ZFAND4: variants seen among roughly 807,000 people sequenced by gnomAD.
ZFAND4 encodes the protein zinc finger AN1-type containing 4.
In ZFAND4, 43 loss-of-function variants were observed where a neutral mutation model predicts 64.4. That is an observed-to-expected ratio of 0.67 (90% CI 0.52 to 0.86). The LOEUF (loss-of-function observed/expected upper bound fraction) is 0.86. Ranked by LOEUF, ZFAND4 falls within the 40% of genes least tolerant of loss-of-function variation. The pLI, the probability that ZFAND4 is intolerant of heterozygous loss-of-function variation, is 0.00. For synonymous variants in ZFAND4, 296 were observed against 305.7 expected (o/e 0.97, Z 0.33); for missense variants, 929 against 859.8 (o/e 1.08, Z -1.01).
chr10:45,650,118 G>A (rs1005536879), intron 4 of ZFAND4: 10 of 151,930 alleles, frequency 6.6e-5, no homozygotes, highest in South Asian at 4.2e-4. Flanking sequence ...ATTTGTATTC[G>A]TTTTTTGAGA....
intron 6 of ZFAND4, among the ~76,000 whole-genome samples, chr10:45,637,476 G>T (rs1308922546): frequency 6.6e-6 from 1 of 152,066 alleles, no homozygotes; most frequent in Non-Finnish European, 1.5e-5. Flanking sequence ...AGTAAGCTGG[G>T]TGCAGTGACT....
chr10:45,651,783 T>C (rs1270889586), intron 4 of ZFAND4, among the ~76,000 whole-genome samples, 183 bp downstream of exon 4: 2 of 152,228 alleles, frequency 1.3e-5, no homozygotes, highest in African/African-American at 4.8e-5. Flanking sequence ...TTTTCTGAAT[T>C]GTATTTTAGA....
intron 3 of ZFAND4, among the ~76,000 whole-genome samples, chr10:45,652,598 G>A (rs556347917): frequency 6.6e-6 from 1 of 152,176 alleles, no homozygotes; most frequent in East Asian, 1.9e-4. Context: ...TAATGAGAAA[G>A]GAAAGACTTT....
rs750541658 is a variant in ZFAND4, at chr10:45,653,015, G to A, written c.229C>T (p.Leu77Phe). 34 of 1,612,132 alleles carry A rather than the reference G, an allele frequency of 2.1e-5. No homozygotes were observed. In the East Asian group the frequency reaches 7.4e-4, roughly 35 times the overall value. ...TCATTCAAGCAATAATCATTTTCAA[G>A]TTCCATGTTATTCCAAATTAAGTGT... Reference protein sequence around the residue: ...RQHLIWNNMELENDYCLNDYN... With the variant: ...RQHLIWNNMEFENDYCLNDYN... The change falls in exon 3 of 10, where the codon CTT (leucine) becomes TTT (phenylalanine). Residue 77 changes from leucine (L) to phenylalanine (F), a missense_variant. Physicochemically the swap from Leu to Phe is conservative, Grantham distance 22. Transcript: ENST00000344646.
intron 2 of ZFAND4, among the ~76,000 whole-genome samples, chr10:45,654,329 A>G (rs2047957314): frequency 6.6e-6 from 1 of 152,154 alleles, no homozygotes; most frequent in Non-Finnish European, 1.5e-5. Context: ...AAAAACAAAA[A>G]AAGATATTGG....
chr10:45,646,950 C>A (rs2047424920), intron 5 of ZFAND4, among the ~76,000 whole-genome samples: 1 of 152,232 alleles, frequency 6.6e-6, no homozygotes, highest in Admixed American at 6.5e-5. Context: ...TCACAGTCTG[C>A]TCTCTGAGGC....
chr10:45,659,278 C>G (rs1329607982), intron 2 of ZFAND4, among the ~76,000 whole-genome samples: 2 of 152,138 alleles, frequency 1.3e-5, no homozygotes, highest in Non-Finnish European at 2.9e-5. Flanking sequence ...AGAATGTTCC[C>G]CCTCTTCCCA....
In ZFAND4 at chr10:45,652,044, T is replaced by A. The variant is rs776989833; in HGVS notation, c.261-11A>T. ...CACCCTTCTGAAATGCTGTGGATAG[T>A]TAACACAAAAATAAATCATAATCAT... On this transcript the variant is annotated splice_polypyrimidine_tract_variant and intron_variant, in intron 3 of 9. Coordinates refer to ENST00000344646, the MANE Select transcript of ZFAND4 (RefSeq NM_174890.4). 4 of 1,613,212 alleles carry A rather than the reference T, an allele frequency of 2.5e-6. No individual in the cohort carries two copies. In the African/African-American group the frequency reaches 5.3e-5, roughly 22 times the overall value.
chr10:45,634,236 A>G (rs774721595), intron 6 of ZFAND4, among the ~76,000 whole-genome samples: 6 of 152,168 alleles, frequency 3.9e-5, no homozygotes, highest in Non-Finnish European at 8.8e-5. Flanking sequence ...ATAATTAAAC[A>G]TTTCTCAGCC....
chr10:45,626,408 A>G lies in ZFAND4; in HGVS notation c.1415T>C (p.Leu472Ser). 2 of 1,614,062 alleles carry G rather than the reference A, an allele frequency of 1.2e-6. No individual in the cohort carries two copies. Among genetic ancestry groups the G allele is most frequent in the South Asian group, 1.1e-5 (1 of 91,086 alleles). The change falls in exon 7 of 10, where the codon TTG becomes TCG. Residue 472 changes from leucine (L) to serine (S), a missense_variant. By Grantham distance (145) the Leu-to-Ser change is moderately radical. Coordinates refer to ENST00000344646, the MANE Select transcript of ZFAND4 (RefSeq NM_174890.4). Reference sequence around the variant, plus strand: ...TGGTGCAGAACAGCGAAGAGGTGACAAGAGTCTATTCTTGTGAGGACTTAA... The same window carrying G: ...TGGTGCAGAACAGCGAAGAGGTGACGAGAGTCTATTCTTGTGAGGACTTAA... ...RELSPHKNRL[L>S]SPLRCSAPMS... is the part of the protein sequence containing the mutation.
intron 7 of ZFAND4, among the ~76,000 whole-genome samples, chr10:45,625,390 C>T (rs1416022948): frequency 2.7e-5 from 4 of 146,674 alleles, no homozygotes; most frequent in Admixed American, 7.1e-5. Context: ...AGGAGAATGG[C>T]GTGAACCCGG....
At position 45,626,094 on chromosome 10, in the gene ZFAND4, T is replaced by A. The variant is rs139565989; in HGVS notation, c.1729A>T (p.Thr577Ser). ...ISFLASLAGS[T>S]SRNRLQSTRG... ...GTGCTCTGTAATCTATTTCTGCTTG[T>A]GCTCCCGGCCAGTGAGGCAAGAAAA... Residue 577 changes from threonine (T) to serine (S), a missense_variant, in exon 7 of 10, where the codon ACA (threonine) becomes TCA (serine). Thr to Ser is a moderately conservative substitution (Grantham distance 58). Coordinates refer to ENST00000344646, the MANE Select transcript of ZFAND4 (RefSeq NM_174890.4). The A allele has an allele frequency of 3.2e-4, 516 of 1,614,102 alleles. No individual in the cohort carries two copies. The highest frequency in any genetic ancestry group is 6.0e-4 in the Admixed American group (36 of 60,010).
At chr10:45,633,473 A>G (rs1319589121) in intron 6 of ZFAND4, among the ~76,000 whole-genome samples, 4 of 152,038 alleles carry the variant, frequency 2.6e-5, no homozygotes, top group African/African-American at 9.7e-5. Flanking sequence ...GGGAGGCTGA[A>G]ATGAGAAGAT....
In ZFAND4 at chr10:45,672,557, C is replaced by T. The variant is rs1268909762; in HGVS notation, c.-425G>A. Reference sequence around the variant, plus strand: ...TACCCGGCAGCCCAGCGCCGAGCGCCCGCGCCACTCCGGCCTTGCGCCATT... The same window carrying T: ...TACCCGGCAGCCCAGCGCCGAGCGCTCGCGCCACTCCGGCCTTGCGCCATT... On this transcript the variant is annotated 5_prime_UTR_variant, in exon 1 of 10. Transcript: ENST00000344646. 6.6e-6 allele frequency: 1 copy of T among 151,986 alleles called. No individual in the cohort carries two copies. The highest frequency in any genetic ancestry group is 1.5e-5 in the Non-Finnish European group (1 of 68,000). The allele number at this position is 151,986 out of a possible 1,614,324, so 9.4% of individuals were successfully genotyped here.
At position 45,625,961 on chromosome 10, in the gene ZFAND4, C is replaced by A; in HGVS notation, c.1862G>T (p.Gly621Val). 4.3e-6 allele frequency: 7 copies of A among 1,613,516 alleles called. No individual in the cohort carries two copies. Among genetic ancestry groups the A allele is most frequent in the Non-Finnish European group, 5.9e-6 (7 of 1,179,890 alleles). ...AAGGAAAATACTGACCAAAAAAACT[C>A]CTGTATGTTCTAACTGGGGAGAACT... ...RKSSPQLEHT[G>V]VFLSTHGVGM... Residue 621 changes from glycine (G) to valine (V), a missense_variant, in exon 7 of 10, where the codon GGA becomes GTA. Physicochemically the swap from Gly to Val is moderately radical, Grantham distance 109 (BLOSUM62 -3). Transcript: ENST00000344646.
chr10:45,652,064 A>C (rs927431157), intron 3 of ZFAND4, 31 bp from the exon 4 acceptor site: 2 of 1,604,270 alleles, frequency 1.2e-6, no homozygotes, highest in African/African-American at 2.7e-5. Flanking sequence ...AATAAATCAT[A>C]ATCATCAAAA....
chr10:45,620,116 T>C (rs888805940), intron 8 of ZFAND4, among the ~76,000 whole-genome samples: 5 of 152,202 alleles, frequency 3.3e-5, no homozygotes, highest in East Asian at 1.9e-4. Context: ...TAATTCACTG[T>C]AGTCACATTT....
intron 9 of ZFAND4, among the ~76,000 whole-genome samples, chr10:45,617,353 G>A (rs2045056468): frequency 6.6e-6 from 1 of 151,998 alleles, no homozygotes; most frequent in Non-Finnish European, 1.5e-5. Flanking sequence ...GGATGGGTGT[G>A]GTGGCGGCTC....
chr10:45,663,923 T>C (rs982890489), intron 1 of ZFAND4, 81 bp from the exon 2 acceptor site: 27 of 444,180 alleles, frequency 6.1e-5, no homozygotes, highest in Admixed American at 4.0e-4. Flanking sequence ...CTGTGGCCCA[T>C]ATCAATCTTC....
Sources: allele counts gnomAD v4.1 joint callset (sites outside exome capture counted in the v4.1 genomes callset), GRCh38; gene constraint gnomAD v4.1.1; transcripts MANE v1.5; gene names NCBI Gene and HGNC (gene_info 2026-07-23, HGNC 2026-07-21).